IQSEC3: variants seen among roughly 807,000 people sequenced by gnomAD.
IQSEC3 encodes the protein IQ motif and SEC7 domain-containing protein 3.
A neutral mutation model predicts 105.4 loss-of-function variants in IQSEC3; 50 were observed. The observed-to-expected ratio is 0.47, with a 90% CI of 0.38 to 0.60. IQSEC3 has a LOEUF of 0.60. Ranked by LOEUF, IQSEC3 falls within the 20% of genes least tolerant of loss-of-function variation. The pLI is 0.00. For missense variants in IQSEC3, 1,415 were observed against 1,630.0 expected, an observed-to-expected ratio of 0.87 and a Z score of 2.27; for synonymous variants, 708 against 746.0, an observed-to-expected ratio of 0.95 and a Z score of 0.83.
chr12:170,716 AGCCAGTCT>A (rs1401367026), intron 12 of IQSEC3, among the ~76,000 whole-genome samples: 3 of 152,184 alleles, frequency 2.0e-5, no homozygotes, highest in Admixed American at 2.0e-4. Context: ...CTGCCCCCTC[AGCCAGTCT>A]GCAGGGCTGG....
chr12:99,851 A>C (rs1295047823), intron 2 of IQSEC3, among the ~76,000 whole-genome samples: 2 of 152,012 alleles, frequency 1.3e-5, no homozygotes, highest in Non-Finnish European at 2.9e-5. Flanking sequence ...TCCCGTGATC[A>C]GCCTTCTCCC....
chr12:122,020 T>G (rs1012213145), intron 2 of IQSEC3, among the ~76,000 whole-genome samples: 3 of 152,194 alleles, frequency 2.0e-5, no homozygotes, highest in Non-Finnish European at 4.4e-5. Flanking sequence ...CATTGCCACG[T>G]TGAGAACAGT....
intron 2 of IQSEC3, among the ~76,000 whole-genome samples, chr12:105,954 C>T (rs1024370269): frequency 6.6e-6 from 1 of 152,142 alleles, no homozygotes; most frequent in African/African-American, 2.4e-5. Flanking sequence ...AATTGCTGCT[C>T]GTTAAGGCAC....
chr12:77,527 GA>G (rs1235632349), intron 1 of IQSEC3: 2 of 675,170 alleles, frequency 3.0e-6, no homozygotes, highest in South Asian at 6.5e-5. Flanking sequence ...GCTTAGATAC[GA>G]AAAAAGACTT....
At chr12:96,152 T>C (rs1003140285) in intron 1 of IQSEC3, among the ~76,000 whole-genome samples, 1 of 152,148 alleles carries the variant, frequency 6.6e-6, no homozygotes. Context: ...AAGGTGCACA[T>C]TGGTTCAATC....
intron 5 of IQSEC3, among the ~76,000 whole-genome samples, chr12:147,047 G>A (rs1419540807): frequency 3.3e-5 from 5 of 152,146 alleles, no homozygotes; most frequent in African/African-American, 7.2e-5. Flanking sequence ...CTTTGGCTTC[G>A]TCACTTTGGC....
chr12:84,626 G>A (rs1262167711), intron 1 of IQSEC3, among the ~76,000 whole-genome samples: 1 of 152,238 alleles, frequency 6.6e-6, no homozygotes, highest in Non-Finnish European at 1.5e-5. Flanking sequence ...TCCACCAAGA[G>A]GTACGGGTGT....
chr12:69,345 G>A (rs545081967), intron 1 of IQSEC3, among the ~76,000 whole-genome samples: 71 of 152,374 alleles, frequency 4.7e-4, no homozygotes, highest in African/African-American at 1.6e-3. Flanking sequence ...GGTCCTGCTC[G>A]GAATCCTGGG....
chr12:129,294 C>A (rs1865514968), intron 3 of IQSEC3, among the ~76,000 whole-genome samples: 1 of 152,224 alleles, frequency 6.6e-6, no homozygotes, highest in East Asian at 1.9e-4. Flanking sequence ...ACTGTCCTGT[C>A]CTTGCCCATC....
Position 157,516 on chromosome 12 carries a change from A to AC in IQSEC3, c.2277-5dup, listed in dbSNP as rs782149702. The stretch of plus-strand genomic sequence containing the variant: ...GGGCTCAGCGTCCGCTCTGCATCTG[A>AC]CCCCCCCACAGCCAGCGCTACTGCA... On this transcript the variant is annotated splice_polypyrimidine_tract_variant and intron_variant, in intron 6 of 13. Coordinates refer to ENST00000538872, the MANE Select transcript of IQSEC3 (RefSeq NM_001170738.2). The AC allele has an allele frequency of 2.2e-5, 35 of 1,602,640 alleles. No individual in the cohort carries two copies. The highest frequency in any genetic ancestry group is 9.0e-5 in the East Asian group (4 of 44,656).
rs1939298681 is a variant in IQSEC3 at position 178,273 on chromosome 12, T to C, written c.*3240T>C. On this transcript the variant is annotated 3_prime_UTR_variant, in exon 14 of 14. Transcript: ENST00000538872. ...CCCTGTTTTTGCTGTACATAACTCC[T>C]GCTGCACCCTCTCCCCGCACACCCG... The C allele has an allele frequency of 6.6e-6, 1 of 151,396 alleles. No individual in the cohort carries two copies. Among genetic ancestry groups the C allele is most frequent in the Non-Finnish European group, 1.5e-5 (1 of 67,844 alleles). The allele number at this position is 151,396 out of a possible 1,614,324, so 9.4% of individuals were successfully genotyped here. A position where few individuals can be genotyped will look rare whatever the true frequency, so the allele number is the denominator to read the frequency against.
intron 5 of IQSEC3, chr12:144,182 CAGG>C (rs781898201): frequency 2.0e-5 from 3 of 152,186 alleles, no homozygotes; most frequent in Non-Finnish European, 4.4e-5. Context: ...CTGCAAAGGG[CAGG>C]AGAAGATGGA....
intron 13 of IQSEC3, among the ~76,000 whole-genome samples, chr12:172,869 G>A (rs967099077): frequency 6.6e-6 from 1 of 152,182 alleles, no homozygotes; most frequent in African/African-American, 2.4e-5. Flanking sequence ...GGGATGCAGT[G>A]GGGGGACCAG....
intron 9 of IQSEC3, 154 bp from the exon 10 acceptor site, chr12:165,280 G>A: frequency 1.5e-6 from 1 of 650,866 alleles, no homozygotes; most frequent in Middle Eastern, 3.2e-4. Flanking sequence ...CACATTTTGG[G>A]ATAGTGTGTG....
At position 157,500 on chromosome 12, in the gene IQSEC3, G is replaced by A. The variant is rs537914703; in HGVS notation, c.2277-28G>A. The A allele has an allele frequency of 2.6e-5, 41 of 1,596,456 alleles. 1 individual carries two copies. Among genetic ancestry groups the A allele is most frequent in the Middle Eastern group, 3.4e-4 (2 of 5,970 alleles). On this transcript the variant is annotated intron_variant, in intron 6 of 13. Transcript: ENST00000538872. Reference sequence around the variant, plus strand: ...GGGGGAGGGTGGGCGGGGGCTCAGCGTCCGCTCTGCATCTGACCCCCCCAC... The same window carrying A: ...GGGGGAGGGTGGGCGGGGGCTCAGCATCCGCTCTGCATCTGACCCCCCCAC...
intron 1 of IQSEC3, among the ~76,000 whole-genome samples, chr12:92,943 T>A (rs1864135379): frequency 6.6e-6 from 1 of 152,228 alleles, no homozygotes; most frequent in Non-Finnish European, 1.5e-5. Context: ...GAGGAAGAAA[T>A]ACTTCCTTTC....
chr12:158,919 A>T (rs188382167), intron 7 of IQSEC3, among the ~76,000 whole-genome samples: 10 of 152,184 alleles, frequency 6.6e-5, no homozygotes, highest in Non-Finnish European at 1.2e-4. Context: ...TCAGCCTCCC[A>T]AAGTGCTGGG....
In IQSEC3 at chr12:138,168, GC is replaced by G; in HGVS notation, c.904-95del. The G allele has an allele frequency of 8.8e-7, 1 of 1,141,492 alleles. No homozygotes were observed. The allele number at this position is 1,141,492 out of a possible 1,614,324, so 70.7% of individuals were successfully genotyped here. A position where few individuals can be genotyped will look rare whatever the true frequency, so the allele number is the denominator to read the frequency against. Reference sequence around the variant, plus strand: ...CCCCCCCGCCCCCGTCCATTCCTGGGCCCCACCCGAGTGTGGCCGGGTGACT... The same window carrying G: ...CCCCCCCGCCCCCGTCCATTCCTGGGCCCACCCGAGTGTGGCCGGGTGACT... On this transcript the variant is annotated intron_variant, in intron 3 of 13. Transcript: ENST00000538872. The surrounding 1 kb of genome is among the most constrained non-coding windows in gnomAD (Gnocchi z 7.1).
At position 165,901 on chromosome 12, in the gene IQSEC3, G is replaced by A. The variant is rs535005837; in HGVS notation, c.2971+11G>A. The A allele has an allele frequency of 2.7e-5, 43 of 1,608,716 alleles. No homozygotes were observed. The East Asian group carries it at 2.9e-4, about 11-fold the overall frequency. On this transcript the variant is annotated intron_variant, in intron 11 of 13. Transcript: ENST00000538872. ...AGATCCGAATAGAGTGTAAGGACAC[G>A]GGCTCCCGAGGCAGCTGGTGGGGGT... is the stretch of plus-strand genomic sequence containing the variant.
Sources: allele counts gnomAD v4.1 joint callset (sites outside exome capture counted in the v4.1 genomes callset), GRCh38; gene constraint gnomAD v4.1.1; non-coding constraint Gnocchi (gnomAD v3.1); transcripts MANE v1.5; gene names NCBI Gene and HGNC (gene_info 2026-07-23, HGNC 2026-07-21).